DAB1: variants seen among roughly 807,000 people sequenced by gnomAD.
DAB1 encodes the protein disabled homolog 1.
DAB1 carries 15 observed loss-of-function variants against 64.6 expected under a neutral mutation model. The observed-to-expected ratio is 0.23, with a 90% CI of 0.16 to 0.36. The LOEUF (loss-of-function observed/expected upper bound fraction) is 0.36, where lower values mean the gene tolerates loss of function less well. Ranked by LOEUF, DAB1 falls within the 10% of genes least tolerant of loss-of-function variation. DAB1 has a pLI of 1.00. For missense variants in DAB1, 596 were observed against 706.7 expected, an observed-to-expected ratio of 0.84 and a Z score of 1.78; for synonymous variants, 235 against 251.9, an observed-to-expected ratio of 0.93 and a Z score of 0.64.
intron 5 of DAB1, among the ~76,000 whole-genome samples, chr1:57,980,276 ACTCGAGTCAT>A (rs1159638156): frequency 1.8e-5 from 2 of 112,138 alleles, no homozygotes; most frequent in Non-Finnish European, 3.7e-5. Flanking sequence ...CTAAGCTCTG[ACTCGAGTCAT>A]CTCTACATGG....
chr1:58,376,647 T>A (rs1337055443), intron 3 of DAB1, among the ~76,000 whole-genome samples: 1 of 144,254 alleles, frequency 6.9e-6, no homozygotes, highest in Non-Finnish European at 1.5e-5. Flanking sequence ...GAAAAAAATG[T>A]ATATTCTGTT....
chr1:58,190,362 T>C (rs1263276029), intron 4 of DAB1, among the ~76,000 whole-genome samples: 1 of 152,170 alleles, frequency 6.6e-6, no homozygotes, highest in African/African-American at 2.4e-5. Context: ...CTGTCCCACG[T>C]GGTGAACCAG....
At chr1:57,878,516 G>C (rs912490161) in intron 1 of DAB1, 1 of 152,074 alleles carries the variant, frequency 6.6e-6, no homozygotes, top group Non-Finnish European at 1.5e-5. Flanking sequence ...AAACATGTTA[G>C]GAAGACTATG....
At chr1:58,259,235 T>C (rs887346301) in intron 4 of DAB1, among the ~76,000 whole-genome samples, 1 of 152,164 alleles carries the variant, frequency 6.6e-6, no homozygotes, top group Non-Finnish European at 1.5e-5. Context: ...AGTGTGCACA[T>C]GCCCAAAGGT....
At chr1:58,228,674 G>C in intron 4 of DAB1, 1 of 1,099,934 alleles carries the variant, frequency 9.1e-7, no homozygotes, top group Non-Finnish European at 1.3e-6. Flanking sequence ...CCTGGCTTGG[G>C]GTGAGGGCTC....
chr1:57,546,375 G>A (rs539864274), intron 7 of DAB1, among the ~76,000 whole-genome samples: 51 of 152,144 alleles, frequency 3.4e-4, no homozygotes, highest in Admixed American at 7.2e-4. Context: ...GTAGAGAAAA[G>A]CAGGCAGTAA....
At chr1:57,050,448 C>T (rs952756396) in intron 9 of DAB1, among the ~76,000 whole-genome samples, 12 of 152,240 alleles carry the variant, frequency 7.9e-5, no homozygotes, top group African/African-American at 2.9e-4. Context: ...CTCCTGCTCC[C>T]ATGGAGGCAC....
chr1:57,329,395 A>G (rs894329064), intron 1 of DAB1, among the ~76,000 whole-genome samples: 3 of 152,150 alleles, frequency 2.0e-5, no homozygotes, highest in Admixed American at 6.6e-5. Flanking sequence ...TCATTGGTAG[A>G]TATGCTTTTA....
At chr1:57,322,545 T>C (rs547232960) in intron 1 of DAB1, among the ~76,000 whole-genome samples, 13 of 152,314 alleles carry the variant, frequency 8.5e-5, no homozygotes, top group African/African-American at 3.1e-4. Flanking sequence ...GCCATTTATA[T>C]GGCTCAATTC....
chr1:57,769,569 T>C (rs1197668103), intron 6 of DAB1, among the ~76,000 whole-genome samples: 1 of 152,146 alleles, frequency 6.6e-6, no homozygotes, highest in Non-Finnish European at 1.5e-5. Flanking sequence ...CGATCCCCAC[T>C]TCCTCCCCTT....
chr1:57,204,703 C>T (rs568145034), intron 2 of DAB1, among the ~76,000 whole-genome samples: 1 of 152,220 alleles, frequency 6.6e-6, no homozygotes, highest in South Asian at 2.1e-4. Flanking sequence ...TGGAATTGTG[C>T]TGATTAGATT....
chr1:57,311,765 A>G (rs1674730283), intron 1 of DAB1, among the ~76,000 whole-genome samples: 1 of 152,208 alleles, frequency 6.6e-6, no homozygotes, highest in African/African-American at 2.4e-5. Context: ...ACCTTAACTC[A>G]AACCAATATA....
intron 14 of DAB1, among the ~76,000 whole-genome samples, chr1:57,004,458 C>T (rs1347003601): frequency 6.6e-6 from 1 of 152,160 alleles, no homozygotes; most frequent in Admixed American, 6.5e-5. Context: ...GATGTGAGGT[C>T]GATGGTGCGC....
intron 4 of DAB1, among the ~76,000 whole-genome samples, chr1:58,263,001 C>G (rs1661082806): frequency 6.6e-6 from 1 of 152,088 alleles, no homozygotes; most frequent in African/African-American, 2.4e-5. Flanking sequence ...AGAAATAAAC[C>G]TTTGTTGTTT....
chr1:57,463,894 TA>T (rs1324498896), intron 7 of DAB1, among the ~76,000 whole-genome samples: 1 of 152,178 alleles, frequency 6.6e-6, no homozygotes, highest in Non-Finnish European at 1.5e-5. Context: ...TTTGAAGTCG[TA>T]CACAAACCTA....
chr1:57,016,179 A>G (rs964474377), intron 11 of DAB1, among the ~76,000 whole-genome samples: 3 of 152,218 alleles, frequency 2.0e-5, no homozygotes, highest in Non-Finnish European at 4.4e-5. Context: ...TAGAGGCTAG[A>G]AAGTTACTTA....
Position 57,895,208 on chromosome 1 carries a change from G to A in DAB1, n.388-11046C>T, listed in dbSNP as rs138494927. On this transcript the variant is annotated intron_variant and non_coding_transcript_variant, in intron 5 of 20. Transcript: ENST00000485760. ...ACAATGGCCAACACTTATGTAGCGC[G>A]TGTGTGCCAAACCCTGTTGTCCAAG... 5.9e-5 allele frequency among the ~76,000 whole-genome samples: 9 copies of A among 152,260 alleles called. 1 individual carries two copies. The highest frequency in any genetic ancestry group is 2.6e-4 in the Admixed American group (4 of 15,286).
chr1:57,273,591 CT>C (rs1671206216), intron 2 of DAB1, among the ~76,000 whole-genome samples: 1 of 122,214 alleles, frequency 8.2e-6, no homozygotes, highest in Admixed American at 8.5e-5. Context: ...TCCTTCCTTC[CT>C]TCCTTCCTTC....
Position 57,327,584 on chromosome 1 carries a change from G to A in DAB1, c.-136-36418C>T, listed in dbSNP as rs143793497. Among the ~76,000 whole-genome samples the A allele has an allele frequency of 8.5e-4, 130 of 152,068 alleles. No homozygotes were observed. The Middle Eastern group carries it at 0.014, about 16-fold the overall frequency. On this transcript the variant is annotated intron_variant, in intron 1 of 14. Coordinates refer to ENST00000371236, the MANE Select transcript of DAB1 (RefSeq NM_001365792.1). ...GTTAGCTCTGCCATGGTAGATGTCA[G>A]GAAAAAAAGAGGTTAAGAGATCACC... is the stretch of plus-strand genomic sequence containing the variant.
Sources: allele counts gnomAD v4.1 joint callset (sites outside exome capture counted in the v4.1 genomes callset), GRCh38; gene constraint gnomAD v4.1.1; transcripts MANE v1.5; gene names NCBI Gene and HGNC (gene_info 2026-07-23, HGNC 2026-07-21).